HSPG2: variants seen among roughly 807,000 people sequenced by gnomAD.
The protein encoded by HSPG2 is heparan sulfate proteoglycan 2.
In HSPG2, 278 loss-of-function variants were observed where a neutral mutation model predicts 526.6. That is an observed-to-expected ratio of 0.53 (90% confidence interval 0.48 to 0.58). HSPG2 has a LOEUF of 0.58. Among genes scored for constraint, HSPG2 ranks in the 20% least tolerant of loss-of-function variants. The pLI is 0.00. For synonymous variants in HSPG2, 2,465 were observed against 2,555.4 expected, an observed-to-expected ratio of 0.96 and a Z score of 1.07; for missense variants, 5,354 against 6,099.5, an observed-to-expected ratio of 0.88 and a Z score of 4.07.
chr1:21,853,915 TGAACCAGGTCA>T (rs1639122901), intron 50 of HSPG2: 1 of 499,092 alleles, frequency 2.0e-6, no homozygotes, highest in Admixed American at 3.4e-5. Context: ...ATCTGGGATT[TGAACCAGGTCA>T]GCCGACTCCC....
chr1:21,902,056 C>T (rs1643129184), intron 1 of HSPG2, among the ~76,000 whole-genome samples: 1 of 152,198 alleles, frequency 6.6e-6, no homozygotes, highest in Non-Finnish European at 1.5e-5. Context: ...TGCCCTGCCC[C>T]ACCCCCAGGC....
chr1:21,872,942 A>G lies in HSPG2; in HGVS notation c.3888+55T>C, dbSNP rs756189771. The G allele has an allele frequency of 1.3e-6, 2 of 1,570,116 alleles. No individual in the cohort carries two copies. The highest frequency in any genetic ancestry group is 1.8e-6 in the Non-Finnish European group (2 of 1,140,848). On this transcript the variant is annotated intron_variant, in intron 31 of 96. Coordinates refer to ENST00000374695, the MANE Select transcript of HSPG2 (RefSeq NM_005529.7). This position sits in a 1 kb window ranked among gnomAD's most constrained non-coding sequence, Gnocchi z 5.5. ...ACCAGATGCTGCCTGATTTCCCCGCAGGGTCTGGGCAGCGGGGCAGAGCAG... is the reference window on the plus strand; with the variant it reads ...ACCAGATGCTGCCTGATTTCCCCGCGGGGTCTGGGCAGCGGGGCAGAGCAG...
rs1413192951 is a variant in HSPG2 at position 21,858,641 on chromosome 1, G to A, written c.5293+925C>T. The stretch of plus-strand genomic sequence containing the variant: ...TGCGATTCTCTCTGACCTGTTTGTA[G>A]CCTGTGCTGCTGGTGGCCTAGCCAC... On this transcript the variant is annotated intron_variant, in intron 42 of 96. Coordinates refer to ENST00000374695, the MANE Select transcript of HSPG2 (RefSeq NM_005529.7). The surrounding 1 kb of genome is among the most constrained non-coding windows in gnomAD (Gnocchi z 4.2). 6.6e-6 allele frequency among the ~76,000 whole-genome samples: 1 copy of A among 152,232 alleles called. No homozygotes were observed. Among genetic ancestry groups the A allele is most frequent in the Non-Finnish European group, 1.5e-5 (1 of 68,044 alleles).
chr1:21,861,687 C>T, intron 39 of HSPG2, 70 bp downstream of exon 39: 1 of 1,396,972 alleles, frequency 7.2e-7, no homozygotes, highest in Admixed American at 1.8e-5. Context: ...GAGCAACACC[C>T]TTTAAGGCTC....
In HSPG2 at chr1:21,887,740, A is replaced by C; in HGVS notation, c.704-66T>G. 1 of 1,607,306 alleles carries C rather than the reference A, an allele frequency of 6.2e-7. No individual in the cohort carries two copies. Among genetic ancestry groups the C allele is most frequent in the East Asian group, 2.2e-5 (1 of 44,804 alleles). ...GCTCCTCACCTGCTCCTTGTCCCCA[A>C]CCCTCCCCAGGCCCACCCTGTACTC... On this transcript the variant is annotated intron_variant, in intron 7 of 96. Transcript: ENST00000374695. The surrounding 1 kb of genome is among the most constrained non-coding windows in gnomAD (Gnocchi z 5.0).
chr1:21,882,541 TAC>T (rs1447014842), intron 13 of HSPG2, among the ~76,000 whole-genome samples: 3 of 152,102 alleles, frequency 2.0e-5, no homozygotes, highest in Non-Finnish European at 4.4e-5. Flanking sequence ...ATCCTGTACC[TAC>T]ACTCTTCATT....
At position 21,828,963 on chromosome 1, in the gene HSPG2, G is replaced by T; in HGVS notation, c.12109C>A (p.Arg4037Ser). The T allele has an allele frequency of 6.3e-7, 1 of 1,577,200 alleles. No homozygotes were observed. Among genetic ancestry groups the T allele is most frequent in the East Asian group, 2.3e-5 (1 of 42,944 alleles). ...CCCTGGCTCTTGCCGGGCGAGGAGC[G>T]CAGCACAGGGCGTCCACCATTCACC... ...LRVNGGRPVL[R>S]SSPGKSQGLN... The change falls in exon 88 of 97, where the codon CGC (arginine) becomes AGC (serine). Residue 4037 changes from arginine (R) to serine (S), a missense_variant. By Grantham distance (110) the Arg-to-Ser change is moderately radical (BLOSUM62 -1). Coordinates refer to ENST00000374695, the MANE Select transcript of HSPG2 (RefSeq NM_005529.7). The surrounding 1 kb of genome is among the most constrained non-coding windows in gnomAD (Gnocchi z 6.0).
intron 3 of HSPG2, among the ~76,000 whole-genome samples, chr1:21,894,552 G>T (rs1443109537): frequency 6.6e-6 from 1 of 152,134 alleles, no homozygotes; most frequent in African/African-American, 2.4e-5. Context: ...CCTGGTCTTG[G>T]GCCCCCTACA....
intron 1 of HSPG2, among the ~76,000 whole-genome samples, chr1:21,925,877 T>C (rs979443519): frequency 6.5e-5 from 9 of 137,552 alleles, no homozygotes; most frequent in Admixed American, 6.3e-4. Context: ...TTTATTTTTA[T>C]TTTTTTTTTT....
Position 21,833,216 on chromosome 1 carries a change from G to A in HSPG2, c.11095+52C>T, listed in dbSNP as rs60718319. On this transcript the variant is annotated intron_variant, in intron 80 of 96. Coordinates refer to ENST00000374695, the MANE Select transcript of HSPG2 (RefSeq NM_005529.7). ...CCTGCCATGATGGCAGTTACTCCAC[G>A]AGGTCCCTCAACCCAGGCCAGCCCA... 36,535 of 1,421,732 alleles carry A rather than the reference G, an allele frequency of 0.026. 978 individuals carry two copies. The highest frequency in any genetic ancestry group is 0.14 in the African/African-American group (9,739 of 70,920). The allele number at this position is 1,421,732 out of a possible 1,614,324, so 88.1% of individuals were successfully genotyped here.
chr1:21,874,332 C>T (rs1640881105), intron 28 of HSPG2, 74 bp downstream of exon 28: 7 of 1,589,114 alleles, frequency 4.4e-6, no homozygotes, highest in Non-Finnish European at 6.0e-6. Context: ...CAGAAGGGCC[C>T]TGGATGAAGC....
intron 17 of HSPG2, 45 bp from the exon 18 acceptor site, chr1:21,879,166 G>A (rs776672455): frequency 3.1e-6 from 5 of 1,611,966 alleles, no homozygotes; most frequent in Non-Finnish European, 4.2e-6. Context: ...GAGCAGAACT[G>A]GGCCAGATGC....
Position 21,830,203 on chromosome 1 carries a change from A to G in HSPG2, c.11672-112T>C, listed in dbSNP as rs571375652. ...CCGGGGGGCTGGGCTAGTGAGGGCC[A>G]GGCCAGCCTCCTGGGAGGCCTTGGA... On this transcript the variant is annotated intron_variant, in intron 85 of 96. Coordinates refer to ENST00000374695, the MANE Select transcript of HSPG2 (RefSeq NM_005529.7). 9 of 867,918 alleles carry G rather than the reference A, an allele frequency of 1.0e-5. No homozygotes were observed. In the South Asian group the frequency reaches 1.2e-4, roughly 11 times the overall value. 53.8% of individuals were successfully genotyped at this position (867,918 alleles called of 1,614,324 possible).
chr1:21,924,272 T>C (rs1204588656), intron 1 of HSPG2, among the ~76,000 whole-genome samples: 1 of 152,114 alleles, frequency 6.6e-6, no homozygotes, highest in Non-Finnish European at 1.5e-5. Flanking sequence ...CTGGAAGAAA[T>C]TGGAGGCATG....
At position 21,831,636 on chromosome 1, in the gene HSPG2, T is replaced by G; in HGVS notation, c.11352+16A>C. On this transcript the variant is annotated intron_variant, in intron 82 of 96. Transcript: ENST00000374695. ...GGGATGAGGGCTGGAAGTAGCAGTA[T>G]GGGGTTGGGTCTCACCTGGGAGGTC... is the stretch of plus-strand genomic sequence containing the variant. 1 of 1,610,488 alleles carries G rather than the reference T, an allele frequency of 6.2e-7. No individual in the cohort carries two copies. The highest frequency in any genetic ancestry group is 1.1e-5 in the South Asian group (1 of 90,558).
intron 77 of HSPG2, 113 bp downstream of exon 77, chr1:21,834,566 A>C: frequency 7.6e-7 from 1 of 1,309,386 alleles, no homozygotes; most frequent in Non-Finnish European, 1.1e-6. Flanking sequence ...ACACAATGGA[A>C]AATGTCCCAA....
intron 44 of HSPG2, 113 bp from the exon 45 acceptor site, chr1:21,856,025 G>A (rs1178886224): frequency 1.4e-6 from 2 of 1,421,396 alleles, no homozygotes; most frequent in African/African-American, 1.4e-5. Flanking sequence ...ACGGCCATCT[G>A]TGCACACAGG....
At position 21,831,290 on chromosome 1, in the gene HSPG2, C is replaced by T. The variant is rs1172272930; in HGVS notation, c.11487G>A (p.Glu3829=). 1 of 1,614,060 alleles carries T rather than the reference C, an allele frequency of 6.2e-7. No individual in the cohort carries two copies. Among genetic ancestry groups the T allele is most frequent in the Non-Finnish European group, 8.5e-7 (1 of 1,179,982 alleles). Residue 3829 remains glutamate (E), a synonymous_variant, in exon 84 of 97, where the codon GAG becomes GAA. Transcript: ENST00000374695. ...TGAGGTTGAGGTCATGGAAGACGAT[C>T]TCCTCGCCCTGGATGCGCAGCTCCC... The part of the protein sequence containing the change: ...CVRELRIQGE[E]IVFHDLNLTA...
intron 1 of HSPG2, among the ~76,000 whole-genome samples, chr1:21,905,708 C>G (rs898925355): frequency 6.6e-6 from 1 of 152,180 alleles, no homozygotes; most frequent in South Asian, 2.1e-4. Context: ...TGCCATTGCA[C>G]TCCAGCCTGG....
Sources: gnomAD v4.1 joint callset for allele counts (sites outside exome capture counted in the v4.1 genomes callset) on GRCh38, gnomAD v4.1.1 for gene constraint, Gnocchi (gnomAD v3.1) non-coding constraint, MANE v1.5 for transcripts, NCBI Gene and HGNC (gene_info 2026-07-23, HGNC 2026-07-21) for gene names.